The following KLRG1 variants were observed in gnomAD, a reference collection of about 807,000 sequenced individuals.
KLRG1 encodes killer cell lectin-like receptor subfamily G member 1.
Under a neutral mutation model 21.8 loss-of-function variants are expected in KLRG1, and 16 were observed. The ratio of observed to expected loss-of-function variants is 0.73; its 90% CI spans 0.50 to 1.11. The LOEUF is 1.11. KLRG1 is among the 50% of genes most tolerant of loss of function. The pLI is 0.00. For synonymous variants in KLRG1, 69 were observed against 75.9 expected (o/e 0.91, Z 0.47); for missense variants, 173 against 218.3 (o/e 0.79, Z 1.31).
At chr12:9,095,118 T>A in the KLRG1 span, 1 of 1,126,912 alleles carries the variant, frequency 8.9e-7, no homozygotes, top group South Asian at 1.6e-5. Flanking sequence ...TCAGTAAATA[T>A]ATATTATAAA....
chr12:9,147,743 AC>A, the KLRG1 span, among the ~76,000 whole-genome samples: 1 of 152,116 alleles, frequency 6.6e-6, no homozygotes, highest in Non-Finnish European at 1.5e-5. Flanking sequence ...TGGTATATCC[AC>A]CCACCATTCT....
At chr12:9,086,262 C>T in the KLRG1 span, among the ~76,000 whole-genome samples, 1 of 152,144 alleles carries the variant, frequency 6.6e-6, no homozygotes, top group Admixed American at 6.5e-5. Flanking sequence ...AGCATAGCAG[C>T]TAAGCATGGT....
chr12:9,110,050 T>C, the KLRG1 span: 1 of 1,592,200 alleles, frequency 6.3e-7, no homozygotes, highest in Non-Finnish European at 8.5e-7. Flanking sequence ...ATGAGTAAAT[T>C]AATTATAACT....
the KLRG1 span, among the ~76,000 whole-genome samples, chr12:9,142,318 A>C: frequency 6.6e-6 from 1 of 152,290 alleles, no homozygotes; most frequent in African/African-American, 2.4e-5. Context: ...TTTATTAAAA[A>C]ATTACACAAG....
the KLRG1 span, among the ~76,000 whole-genome samples, chr12:9,059,697 G>A: frequency 6.6e-6 from 1 of 152,254 alleles, no homozygotes; most frequent in East Asian, 1.9e-4. Flanking sequence ...ATGCATGTAT[G>A]TATGTTGAGA....
At chr12:9,195,593 G>A in the KLRG1 span, among the ~76,000 whole-genome samples, 1 of 147,480 alleles carries the variant, frequency 6.8e-6, no homozygotes, top group Admixed American at 6.8e-5. Flanking sequence ...ACAGGTGCAC[G>A]CCACCAGCCC....
At chr12:9,051,733 C>G in the KLRG1 span, among the ~76,000 whole-genome samples, 3 of 152,210 alleles carry the variant, frequency 2.0e-5, no homozygotes, top group Non-Finnish European at 1.5e-5. Flanking sequence ...TGAGTCTCAA[C>G]TGATTTCTCT....
the KLRG1 span, among the ~76,000 whole-genome samples, chr12:9,044,417 C>A: frequency 6.6e-6 from 1 of 152,128 alleles, no homozygotes; most frequent in Non-Finnish European, 1.5e-5. Flanking sequence ...GTAATTCCAA[C>A]ACTTTGGGAG....
At chr12:9,062,639 T>A in the KLRG1 span, among the ~76,000 whole-genome samples, 2 of 147,856 alleles carry the variant, frequency 1.4e-5, no homozygotes, top group Non-Finnish European at 3.0e-5. Flanking sequence ...ATTATACATA[T>A]ACATTTATAT....
chr12:9,091,013 G>C, the KLRG1 span, among the ~76,000 whole-genome samples: 2 of 152,222 alleles, frequency 1.3e-5, no homozygotes, highest in South Asian at 2.1e-4. Flanking sequence ...ACTTTGAAGG[G>C]TTATAAGGGC....
chr12:9,162,491 TG>T, the KLRG1 span: 1 of 807,022 alleles, frequency 1.2e-6, no homozygotes. Flanking sequence ...CTGACTTTCA[TG>T]GAACACTCTG....
chr12:9,038,965 G>T, the KLRG1 span, among the ~76,000 whole-genome samples: 1 of 151,954 alleles, frequency 6.6e-6, no homozygotes, highest in African/African-American at 2.4e-5. Flanking sequence ...TTTTGATTTA[G>T]ATTGGATTAA....
the KLRG1 span, among the ~76,000 whole-genome samples, chr12:9,033,068 T>C: frequency 6.6e-6 from 1 of 152,198 alleles, no homozygotes; most frequent in Non-Finnish European, 1.5e-5. Context: ...ATTTTGCCTG[T>C]GCAGAGGGCA....
chr12:9,026,266 T>A, the KLRG1 span, among the ~76,000 whole-genome samples: 1 of 152,184 alleles, frequency 6.6e-6, no homozygotes, highest in Non-Finnish European at 1.5e-5. Context: ...GATTTGGGAA[T>A]AATAGTGTAG....
At chr12:9,119,387 G>A in the KLRG1 span, among the ~76,000 whole-genome samples, 1 of 152,246 alleles carries the variant, frequency 6.6e-6, no homozygotes, top group Non-Finnish European at 1.5e-5. Flanking sequence ...CATGTCAAGT[G>A]CCGCTGTGAA....
the KLRG1 span, chr12:9,095,749 T>G: frequency 5.1e-6 from 7 of 1,371,354 alleles, no homozygotes; most frequent in Non-Finnish European, 6.7e-6. Flanking sequence ...TGACTTTTTT[T>G]TTTTTTTTTT....
At chr12:9,181,122 C>T in the KLRG1 span, 1 of 1,614,100 alleles carries the variant, frequency 6.2e-7, no homozygotes, top group Non-Finnish European at 8.5e-7. Flanking sequence ...TGGGCTGAAG[C>T]TCAAATCCAC....
chr12:9,069,926 GC>G, the KLRG1 span: 188 of 878,040 alleles, frequency 2.1e-4, 2 homozygotes, highest in African/African-American at 2.8e-3. Flanking sequence ...TTCTTCAAAT[GC>G]TTTTTGTAAG....
chr12:9,033,486 G>A, the KLRG1 span, among the ~76,000 whole-genome samples: 1 of 151,828 alleles, frequency 6.6e-6, no homozygotes, highest in African/African-American at 2.4e-5. Context: ...CTCCCACCCT[G>A]ATTCCAAGTG....
Sources: allele counts gnomAD v4.1 joint callset (sites outside exome capture counted in the v4.1 genomes callset), GRCh38; gene constraint gnomAD v4.1.1; transcripts MANE v1.5; gene names NCBI Gene and HGNC (gene_info 2026-07-23, HGNC 2026-07-21).